MEGF11: variants seen among roughly 807,000 people sequenced by gnomAD.
MEGF11 encodes multiple epidermal growth factor-like domains protein 11.
A neutral mutation model predicts 146.6 loss-of-function variants in MEGF11; 126 were observed. The observed-to-expected ratio is 0.86, with a 90% CI of 0.74 to 1.00. MEGF11 has a LOEUF of 1.00. MEGF11 is among the 50% of genes least tolerant of loss of function. MEGF11 has a pLI of 0.00. For synonymous variants in MEGF11, 532 were observed against 583.4 expected (o/e 0.91, Z 1.27); for missense variants, 1,509 against 1,521.2 (o/e 0.99, Z 0.13).
At chr15:65,984,550 A>AAAAAT (rs1555458727) in intron 5 of MEGF11, among the ~76,000 whole-genome samples, 1 of 148,736 alleles carries the variant, frequency 6.7e-6, no homozygotes, top group African/African-American at 2.5e-5. Flanking sequence ...AAAAAAAAAA[A>AAAAAT]GGCTCACAGG....
At chr15:66,242,539 A>T (rs141949685) in intron 1 of MEGF11, among the ~76,000 whole-genome samples, 13 of 151,924 alleles carry the variant, frequency 8.6e-5, no homozygotes, top group African/African-American at 2.9e-4. Context: ...GTGGTTGGTT[A>T]TCTCAGTATT....
Position 65,963,364 on chromosome 15 carries a change from TCA to T in MEGF11, c.1112+1542_1112+1543del, listed in dbSNP as rs370652267. Among the ~76,000 whole-genome samples, 40 of 151,956 alleles carry T rather than the reference TCA, an allele frequency of 2.6e-4. No homozygotes were observed. The East Asian group carries it at 2.9e-3, about 11-fold the overall frequency. ...CTGACCAGCATCACATAGTCCTGGG[TCA>T]CAGTTACTTGGGCACATGTTGGGAC... On this transcript the variant is annotated intron_variant, in intron 9 of 25. Transcript: ENST00000395614.
At chr15:66,086,423 A>C (rs1736729782) in intron 5 of MEGF11, among the ~76,000 whole-genome samples, 1 of 152,242 alleles carries the variant, frequency 6.6e-6, no homozygotes, top group African/African-American at 2.4e-5. Context: ...AGCACCAGGT[A>C]ACCTATAAAG....
At chr15:65,955,814 A>T (rs2080606674) in intron 10 of MEGF11, among the ~76,000 whole-genome samples, 1 of 95,012 alleles carries the variant, frequency 1.1e-5, no homozygotes, top group African/African-American at 4.1e-5. Context: ...ACACACACAC[A>T]ATACTTTAAA....
At chr15:66,205,241 G>T (rs538469913) in intron 1 of MEGF11, among the ~76,000 whole-genome samples, 46 of 152,140 alleles carry the variant, frequency 3.0e-4, no homozygotes, top group African/African-American at 1.1e-3. Flanking sequence ...AGGAGTTTGC[G>T]ATCAGCCTGG....
intron 7 of MEGF11, among the ~76,000 whole-genome samples, chr15:65,978,293 A>G (rs958035027): frequency 6.6e-6 from 1 of 152,196 alleles, no homozygotes; most frequent in Non-Finnish European, 1.5e-5. Flanking sequence ...CCCTGGGAGG[A>G]GCCTCAGGCA....
At chr15:66,133,077 A>G (rs1156989464) in intron 1 of MEGF11, among the ~76,000 whole-genome samples, 2 of 152,204 alleles carry the variant, frequency 1.3e-5, no homozygotes, top group African/African-American at 4.8e-5. Context: ...AGGACACCAA[A>G]GACCCATCCC....
intron 1 of MEGF11, among the ~76,000 whole-genome samples, chr15:66,158,280 C>A (rs1036209578): frequency 4.6e-5 from 7 of 152,230 alleles, no homozygotes; most frequent in African/African-American, 1.7e-4. Flanking sequence ...AGTGGACAGT[C>A]AGGAGCTTCG....
chr15:66,022,152 C>T (rs1446960745), intron 5 of MEGF11, among the ~76,000 whole-genome samples: 1 of 152,240 alleles, frequency 6.6e-6, no homozygotes, highest in Non-Finnish European at 1.5e-5. Flanking sequence ...TCATGGATGG[C>T]TGAGCTCAGG....
intron 5 of MEGF11, among the ~76,000 whole-genome samples, chr15:66,092,917 GT>G (rs1490336632): frequency 1.3e-5 from 2 of 152,242 alleles, no homozygotes; most frequent in Non-Finnish European, 2.9e-5. Flanking sequence ...TGTAAGCCAA[GT>G]TACGCAAAAC....
At position 65,948,595 on chromosome 15, in the gene MEGF11, G is replaced by A. The variant is rs79870073; in HGVS notation, c.1287+8952C>T. 1.4e-3 allele frequency among the ~76,000 whole-genome samples: 206 copies of A among 152,320 alleles called. 2 individuals carry two copies. The East Asian group carries it at 0.035, about 26-fold the overall frequency. On this transcript the variant is annotated intron_variant, in intron 10 of 25. Transcript: ENST00000395614. ...AAGTCCATGTCCTTTTGCTTGCAGT[G>A]TGTCTTCTCTCCACAACCACATAAT...
At position 66,128,287 on chromosome 15, in the gene MEGF11, T is replaced by C. The variant is rs764117447; in HGVS notation, c.98+19A>G. ...CGATCCCCCAGAGAGTGCCTGGCCA[T>C]CTGAGGCCCACACCTTACCTCTCCC... On this transcript the variant is annotated intron_variant, in intron 2 of 25. Coordinates refer to ENST00000395614, the MANE Select transcript of MEGF11 (RefSeq NM_001385028.1). 19 of 1,455,934 alleles carry C rather than the reference T, an allele frequency of 1.3e-5. No individual in the cohort carries two copies. The allele number at this position is 1,455,934 out of a possible 1,614,324, so 90.2% of individuals were successfully genotyped here. A position where few individuals can be genotyped will look rare whatever the true frequency, so the allele number is the denominator to read the frequency against.
intron 1 of MEGF11, among the ~76,000 whole-genome samples, chr15:66,141,966 G>A (rs547834213): frequency 1.3e-5 from 2 of 151,924 alleles, no homozygotes; most frequent in South Asian, 2.1e-4. Flanking sequence ...GTGTTGGGTC[G>A]GTGGGGGGAT....
At chr15:65,910,098 C>T (rs2078752346) in intron 21 of MEGF11, 1 of 568,548 alleles carries the variant, frequency 1.8e-6, no homozygotes, top group Non-Finnish European at 3.3e-6. Flanking sequence ...AGCAGATTAG[C>T]TGGGGGGTGG....
chr15:65,920,379 C>G (rs941387180), intron 15 of MEGF11, among the ~76,000 whole-genome samples: 1 of 152,248 alleles, frequency 6.6e-6, no homozygotes, highest in Non-Finnish European at 1.5e-5. Flanking sequence ...CCAGCCTCTT[C>G]TTTCCTACCT....
At chr15:66,002,356 C>T (rs965398909) in intron 5 of MEGF11, among the ~76,000 whole-genome samples, 2 of 152,020 alleles carry the variant, frequency 1.3e-5, no homozygotes, top group East Asian at 1.9e-4. Context: ...GGGGTGAGGA[C>T]GGGGGTGGAG....
intron 1 of MEGF11, among the ~76,000 whole-genome samples, chr15:66,231,048 C>G (rs2091957754): frequency 2.0e-5 from 3 of 151,966 alleles, no homozygotes; most frequent in Non-Finnish European, 4.4e-5. Flanking sequence ...GAATAAGGTC[C>G]CATGGTTAAA....
chr15:66,063,916 G>A (rs75955209), intron 5 of MEGF11, among the ~76,000 whole-genome samples: 2,221 of 152,204 alleles, frequency 0.015, 56 homozygotes, highest in African/African-American at 0.049. Flanking sequence ...TTCTAATGAG[G>A]AAACAATCTC....
chr15:66,035,351 G>A (rs768997996), intron 5 of MEGF11, among the ~76,000 whole-genome samples: 19 of 152,212 alleles, frequency 1.2e-4, no homozygotes, highest in Non-Finnish European at 2.2e-4. Context: ...ACTCCTCAGT[G>A]TTGCAATAAC....
Sources: gnomAD v4.1 joint callset for allele counts (sites outside exome capture counted in the v4.1 genomes callset) on GRCh38, gnomAD v4.1.1 for gene constraint, MANE v1.5 for transcripts, NCBI Gene and HGNC (gene_info 2026-07-23, HGNC 2026-07-21) for gene names.